HSD17B2: variants seen among roughly 807,000 people sequenced by gnomAD.
HSD17B2 encodes hydroxysteroid 17-beta dehydrogenase 2, also known as 17-beta-hydroxysteroid dehydrogenase type 2.
A neutral mutation model predicts 26.9 loss-of-function variants in HSD17B2; 32 were observed. That is an observed-to-expected ratio of 1.19 (90% CI 0.90 to 1.60). The LOEUF is 1.60. Among genes scored for constraint, HSD17B2 ranks in the 40% most tolerant of loss-of-function variants. The probability of loss-of-function intolerance (pLI) is 0.00; values close to 1 mark genes in which losing one functional copy is unlikely to be tolerated. For synonymous variants in HSD17B2, 246 were observed against 186.7 expected, an observed-to-expected ratio of 1.32 and a Z score of -2.59; for missense variants, 613 against 468.6, an observed-to-expected ratio of 1.31 and a Z score of -2.85.
intron 2 of HSD17B2, among the ~76,000 whole-genome samples, chr16:82,069,279 G>A (rs916961644): frequency 1.3e-5 from 2 of 152,192 alleles, no homozygotes; most frequent in Admixed American, 6.5e-5. Flanking sequence ...ATTCCATGGT[G>A]TATATGTACC....
chr16:82,077,279 G>T (rs752068723), intron 3 of HSD17B2, among the ~76,000 whole-genome samples: 4 of 152,116 alleles, frequency 2.6e-5, no homozygotes, highest in African/African-American at 9.7e-5. Flanking sequence ...CTACAGAGCC[G>T]TAGTAACCAA....
chr16:82,088,753 T>C (rs2955155), intron 3 of HSD17B2, among the ~76,000 whole-genome samples: 151,345 of 152,340 alleles, frequency 0.99, 75,186 homozygotes, highest in Middle Eastern at 1. Flanking sequence ...TGGCCATCTG[T>C]GGCAAGATTA....
chr16:82,068,220 G>C lies in HSD17B2; in HGVS notation c.316G>C (p.Gly106Arg), dbSNP rs1190156357. The C allele has an allele frequency of 4.3e-6, 7 of 1,614,098 alleles. No individual in the cohort carries two copies. In the South Asian group the frequency reaches 4.4e-5, roughly 10 times the overall value. ...TTTGTGCAAGTATCTGGATGAGCTG[G>C]GCTTCACGGTATTTGCCGGAGTTTT... ...HALCKYLDEL[G>R]FTVFAGVLNE... Residue 106 changes from glycine (G) to arginine (R), a missense_variant, in exon 2 of 5, where the codon GGC (glycine) becomes CGC (arginine). Coordinates refer to ENST00000199936, the MANE Select transcript of HSD17B2 (RefSeq NM_002153.3).
At chr16:82,057,188 C>T (rs1344666691) in intron 1 of HSD17B2, among the ~76,000 whole-genome samples, 1 of 151,574 alleles carries the variant, frequency 6.6e-6, no homozygotes, top group Non-Finnish European at 1.5e-5. Flanking sequence ...TAACTCCCCA[C>T]TTTCTCTTTT....
intron 1 of HSD17B2, among the ~76,000 whole-genome samples, chr16:82,062,940 A>G (rs74029368): frequency 6.6e-6 from 1 of 152,214 alleles, no homozygotes; most frequent in Non-Finnish European, 1.5e-5. Flanking sequence ...CAGGCCTAGC[A>G]CAGCCTGATC....
At chr16:82,091,102 G>C (rs755144521) in intron 4 of HSD17B2, 63 bp downstream of exon 4, 1 of 1,507,624 alleles carries the variant, frequency 6.6e-7, no homozygotes, top group East Asian at 2.3e-5. Flanking sequence ...AGGTCCTCTT[G>C]GTCTGACAGA....
chr16:82,062,062 C>A (rs946470661), intron 1 of HSD17B2, among the ~76,000 whole-genome samples: 3 of 152,208 alleles, frequency 2.0e-5, no homozygotes, highest in Non-Finnish European at 2.9e-5. Flanking sequence ...CGTTCACCAG[C>A]TAATATGGTG....
intron 1 of HSD17B2, among the ~76,000 whole-genome samples, chr16:82,036,926 A>G (rs1180212446): frequency 6.6e-6 from 1 of 152,168 alleles, no homozygotes; most frequent in Non-Finnish European, 1.5e-5. Context: ...CTGTTCTGTT[A>G]TGAAACCTTA....
chr16:82,098,024 G>C, intron 4 of HSD17B2, 51 bp from the exon 5 acceptor site: 1 of 1,553,744 alleles, frequency 6.4e-7, no homozygotes, highest in Non-Finnish European at 8.7e-7. Context: ...CCTGCTCCCT[G>C]ACTTCCTTGG....
chr16:82,092,009 T>C (rs1692219823), intron 4 of HSD17B2: 1 of 152,150 alleles, frequency 6.6e-6, no homozygotes, highest in African/African-American at 2.4e-5. Context: ...AGCTCAAAAA[T>C]GGTCCCTAAC....
chr16:82,048,354 G>A (rs972289447), intron 1 of HSD17B2, among the ~76,000 whole-genome samples: 5 of 152,176 alleles, frequency 3.3e-5, no homozygotes, highest in African/African-American at 1.2e-4. Context: ...TGATAGCTCT[G>A]CTTTCACTGC....
intron 1 of HSD17B2, among the ~76,000 whole-genome samples, chr16:82,048,609 A>G (rs1425976507): frequency 6.6e-6 from 1 of 152,218 alleles, no homozygotes; most frequent in Non-Finnish European, 1.5e-5. Flanking sequence ...AAGAAGAGAC[A>G]TTAATAGTAC....
chr16:82,066,707 CT>C (rs869038065), intron 1 of HSD17B2, among the ~76,000 whole-genome samples: 3 of 145,158 alleles, frequency 2.1e-5, no homozygotes, highest in Non-Finnish European at 4.4e-5. Flanking sequence ...AACTCTCCTT[CT>C]TTTTTGCATT....
chr16:82,050,475 C>T (rs1365366929), intron 1 of HSD17B2, among the ~76,000 whole-genome samples: 1 of 152,186 alleles, frequency 6.6e-6, no homozygotes, highest in African/African-American at 2.4e-5. Context: ...ACTCCCTGGC[C>T]TCTGGGATTC....
At chr16:82,040,710 G>A (rs1167103103) in intron 1 of HSD17B2, among the ~76,000 whole-genome samples, 1 of 152,214 alleles carries the variant, frequency 6.6e-6, no homozygotes, top group Non-Finnish European at 1.5e-5. Context: ...TGAAATAAGA[G>A]TACCATACAC....
chr16:82,079,215 G>A (rs537861920), intron 3 of HSD17B2, among the ~76,000 whole-genome samples: 1 of 151,896 alleles, frequency 6.6e-6, no homozygotes, highest in Non-Finnish European at 1.5e-5. Context: ...TGAAATGATC[G>A]ATTTTCCTCT....
chr16:82,087,932 G>A (rs985575601), intron 3 of HSD17B2, among the ~76,000 whole-genome samples: 6 of 152,080 alleles, frequency 3.9e-5, no homozygotes, highest in Admixed American at 1.3e-4. Flanking sequence ...CATCCTCAAC[G>A]CCTAATCACC....
At chr16:82,090,147 C>T (rs1904641451) in intron 3 of HSD17B2, 1 of 808,706 alleles carries the variant, frequency 1.2e-6, no homozygotes, top group Non-Finnish European at 1.5e-6. Flanking sequence ...GTATTGAGCA[C>T]AATCTGTTCG....
intron 3 of HSD17B2, among the ~76,000 whole-genome samples, chr16:82,075,261 A>C (rs1483521290): frequency 6.6e-6 from 1 of 152,198 alleles, no homozygotes; most frequent in Non-Finnish European, 1.5e-5. Context: ...AAACACTTCA[A>C]GTAAAAAACC....
Sources: gnomAD v4.1 joint callset for allele counts (sites outside exome capture counted in the v4.1 genomes callset) on GRCh38, gnomAD v4.1.1 for gene constraint, MANE v1.5 for transcripts, NCBI Gene and HGNC (gene_info 2026-07-23, HGNC 2026-07-21) for gene names.